Variants in RABGAP1 observed in about 807,000 individuals in gnomAD.
RABGAP1 encodes rab GTPase-activating protein 1.
Under a neutral mutation model 137.6 loss-of-function variants are expected in RABGAP1, and 23 were observed. The ratio of observed to expected loss-of-function variants is 0.17; its 90% CI spans 0.12 to 0.24. The LOEUF is 0.24. Among genes scored for constraint, RABGAP1 ranks in the 10% least tolerant of loss-of-function variants. RABGAP1 has a pLI of 1.00. For synonymous variants in RABGAP1, 451 were observed against 450.7 expected, an observed-to-expected ratio of 1.00 and a Z score of -0.01; for missense variants, 906 against 1,275.8, an observed-to-expected ratio of 0.71 and a Z score of 4.42.
intron 14 of RABGAP1, among the ~76,000 whole-genome samples, chr9:123,065,807 A>G (rs2034151077): frequency 6.6e-6 from 1 of 152,204 alleles, no homozygotes; most frequent in South Asian, 2.1e-4. Context: ...TAAGTGATGA[A>G]CTTGGCACCT....
intron 13 of RABGAP1, among the ~76,000 whole-genome samples, chr9:123,047,358 GAAGATCAT>G (rs1380124526): frequency 1.3e-5 from 2 of 152,122 alleles, no homozygotes; most frequent in Non-Finnish European, 2.9e-5. Context: ...AAATAAAATG[GAAGATCAT>G]AAGTTGTCTA....
intron 1 of RABGAP1, among the ~76,000 whole-genome samples, chr9:122,955,799 T>C (rs139038422): frequency 6.6e-6 from 1 of 152,180 alleles, no homozygotes; most frequent in African/African-American, 2.4e-5. Flanking sequence ...CATAAATATA[T>C]AGTCAATGAT....
At chr9:123,102,082 A>G (rs1382088794) in intron 25 of RABGAP1, among the ~76,000 whole-genome samples, 1 of 152,174 alleles carries the variant, frequency 6.6e-6, no homozygotes, top group African/African-American at 2.4e-5. Flanking sequence ...ACCTCCCTAC[A>G]TCTCAGGTTC....
chr9:122,982,021 C>T (rs1238744983), intron 2 of RABGAP1, among the ~76,000 whole-genome samples: 1 of 150,928 alleles, frequency 6.6e-6, no homozygotes. Flanking sequence ...TGCACTCCAG[C>T]CTGGGCAACA....
intron 1 of RABGAP1, chr9:122,945,983 ATTT>A (rs1051565206): frequency 3.9e-5 from 6 of 152,072 alleles, no homozygotes; most frequent in Admixed American, 3.9e-4. Flanking sequence ...AATATATTTT[ATTT>A]TTTAAGACTA....
At chr9:122,975,759 C>T (rs141622176) in intron 2 of RABGAP1, among the ~76,000 whole-genome samples, 395 of 152,238 alleles carry the variant, frequency 2.6e-3, no homozygotes, top group African/African-American at 9.0e-3. Flanking sequence ...AAAAACCACA[C>T]GATACAGTGC....
intron 19 of RABGAP1, among the ~76,000 whole-genome samples, chr9:123,079,839 T>C (rs545412516): frequency 2.4e-4 from 37 of 152,194 alleles, no homozygotes; most frequent in South Asian, 4.1e-4. Flanking sequence ...CCCCCAACCT[T>C]TATGCCATTA....
At chr9:123,002,588 A>G (rs1467473005) in intron 10 of RABGAP1, among the ~76,000 whole-genome samples, 2 of 151,666 alleles carry the variant, frequency 1.3e-5, no homozygotes, top group East Asian at 3.8e-4. Flanking sequence ...GGTTGGGTAT[A>G]GAAGAATATA....
intron 1 of RABGAP1, among the ~76,000 whole-genome samples, chr9:122,941,690 C>T (rs991094229): frequency 6.6e-6 from 1 of 152,238 alleles, no homozygotes; most frequent in Non-Finnish European, 1.5e-5. Context: ...CTTGAAGCAG[C>T]TACCCCAGTA....
chr9:122,982,226 A>G (rs1836107797), intron 2 of RABGAP1, among the ~76,000 whole-genome samples: 1 of 152,208 alleles, frequency 6.6e-6, no homozygotes, highest in Non-Finnish European at 1.5e-5. Flanking sequence ...TTGTGTATGT[A>G]CATTACTTTT....
intron 4 of RABGAP1, 25 bp from the exon 5 acceptor site, chr9:122,989,272 T>C: frequency 6.3e-7 from 1 of 1,588,236 alleles, no homozygotes; most frequent in Non-Finnish European, 8.6e-7. Flanking sequence ...TCCTGTAATC[T>C]CTCTGTATCT....
intron 6 of RABGAP1, chr9:122,990,601 C>G (rs943135653): frequency 6.6e-6 from 1 of 150,896 alleles, no homozygotes; most frequent in African/African-American, 2.5e-5. Flanking sequence ...GAAACCTTGT[C>G]TCTACTAAAA....
upstream of RABGAP1, among the ~76,000 whole-genome samples, chr9:122,940,505 T>A (rs1396798898): frequency 6.6e-6 from 1 of 152,198 alleles, no homozygotes; most frequent in African/African-American, 2.4e-5. Context: ...TCTGACGGGT[T>A]TGTGGTGAAG....
chr9:123,101,876 G>T, intron 25 of RABGAP1, 113 bp downstream of exon 25: 2 of 1,122,124 alleles, frequency 1.8e-6, no homozygotes, highest in South Asian at 2.0e-5. Context: ...TTTAAACTTT[G>T]GTCACAGTTG....
chr9:123,035,881 T>A (rs1413224234), intron 13 of RABGAP1, among the ~76,000 whole-genome samples: 1 of 152,192 alleles, frequency 6.6e-6, no homozygotes, highest in African/African-American at 2.4e-5. Flanking sequence ...GTCTTGGAAA[T>A]GACTACAGTT....
At chr9:123,019,392 C>G (rs909595388) in intron 12 of RABGAP1, among the ~76,000 whole-genome samples, 10 of 151,826 alleles carry the variant, frequency 6.6e-5, no homozygotes, top group Non-Finnish European at 1.3e-4. Flanking sequence ...GTGGTGCGGT[C>G]TCTCACTGCA....
intron 1 of RABGAP1, among the ~76,000 whole-genome samples, chr9:122,942,678 A>AAAAAAC (rs1833659321): frequency 1.3e-5 from 2 of 151,172 alleles, no homozygotes; most frequent in Admixed American, 6.6e-5. Context: ...TCAAAAAAAA[A>AAAAAAC]AAAAAAAAAA....
At chr9:122,947,405 G>A (rs932315325) in intron 1 of RABGAP1, among the ~76,000 whole-genome samples, 4 of 152,174 alleles carry the variant, frequency 2.6e-5, no homozygotes, top group African/African-American at 9.7e-5. Context: ...AGATGATGGT[G>A]ATGGTTGCAT....
intron 13 of RABGAP1, chr9:123,034,498 G>C: frequency 1.0e-6 from 1 of 955,378 alleles, no homozygotes; most frequent in Non-Finnish European, 1.6e-6. Flanking sequence ...AATGACAGCA[G>C]CTGCTTCTTT....
Sources: gnomAD v4.1 joint callset for allele counts (sites outside exome capture counted in the v4.1 genomes callset) on GRCh38, gnomAD v4.1.1 for gene constraint, MANE v1.5 for transcripts, NCBI Gene and HGNC (gene_info 2026-07-23, HGNC 2026-07-21) for gene names.